Variants in RNFT2 observed in about 807,000 individuals in gnomAD.
The protein encoded by RNFT2 is ring finger protein, transmembrane 2, also known as E3 ubiquitin-protein ligase RNFT2.
Under a neutral mutation model 53.0 loss-of-function variants are expected in RNFT2, and 36 were observed. The observed-to-expected ratio is 0.68, with a 90% CI of 0.52 to 0.90. The LOEUF (loss-of-function observed/expected upper bound fraction) is 0.90. Ranked by LOEUF, RNFT2 falls within the 40% of genes least tolerant of loss-of-function variation. The pLI is 0.00. For missense variants in RNFT2, 514 were observed against 585.6 expected (o/e 0.88, Z 1.26); for synonymous variants, 260 against 253.2 (o/e 1.03, Z -0.26).
chr12:116,760,515 T>TG (rs1161874937), intron 5 of RNFT2, among the ~76,000 whole-genome samples: 59 of 152,356 alleles, frequency 3.9e-4, no homozygotes, highest in Non-Finnish European at 4.4e-5. Flanking sequence ...AGGGCCTTGC[T>TG]GCTGCTTCCT....
At chr12:116,779,379 C>T in intron 7 of RNFT2, 31 bp downstream of exon 7, 1 of 1,612,636 alleles carries the variant, frequency 6.2e-7, no homozygotes, top group Middle Eastern at 1.7e-4. Flanking sequence ...CAAGGTAGCC[C>T]CAGTCACATG....
intron 7 of RNFT2, among the ~76,000 whole-genome samples, chr12:116,824,770 C>T (rs1455357099): frequency 6.6e-6 from 1 of 152,160 alleles, no homozygotes. Flanking sequence ...GGGAACCAAT[C>T]CCATCATGAG....
At chr12:116,795,751 A>G (rs1211630583) in intron 7 of RNFT2, among the ~76,000 whole-genome samples, 1 of 152,176 alleles carries the variant, frequency 6.6e-6, no homozygotes, top group Non-Finnish European at 1.5e-5. Flanking sequence ...AGAACTCTCT[A>G]CAAGTCCCCT....
At chr12:116,830,334 C>A (rs1045890025) in intron 7 of RNFT2, among the ~76,000 whole-genome samples, 1 of 152,146 alleles carries the variant, frequency 6.6e-6, no homozygotes, top group Non-Finnish European at 1.5e-5. Flanking sequence ...GTCACCCAGG[C>A]TGGAGTGCAG....
intron 7 of RNFT2, among the ~76,000 whole-genome samples, chr12:116,813,980 C>T (rs1875511785): frequency 6.6e-6 from 1 of 152,150 alleles, no homozygotes; most frequent in Admixed American, 6.5e-5. Context: ...GCCTTTTGAT[C>T]ACTACAGCTT....
chr12:116,784,166 T>C (rs1232686137), intron 7 of RNFT2, among the ~76,000 whole-genome samples: 2 of 152,236 alleles, frequency 1.3e-5, no homozygotes, highest in Non-Finnish European at 2.9e-5. Flanking sequence ...GTCCAGTTAC[T>C]GCACGGGGCA....
intron 6 of RNFT2, among the ~76,000 whole-genome samples, chr12:116,778,042 C>A (rs892770218): frequency 9.9e-5 from 15 of 152,162 alleles, no homozygotes; most frequent in African/African-American, 3.6e-4. Context: ...ACATCAGCTT[C>A]CCCCGCTCCT....
At chr12:116,817,922 A>G (rs1427998983) in intron 7 of RNFT2, among the ~76,000 whole-genome samples, 3 of 152,212 alleles carry the variant, frequency 2.0e-5, no homozygotes, top group African/African-American at 7.2e-5. Flanking sequence ...CTCTCATTTC[A>G]TTGGGGGAAA....
At chr12:116,749,427 G>A (rs1872068132) in intron 3 of RNFT2, among the ~76,000 whole-genome samples, 2 of 151,954 alleles carry the variant, frequency 1.3e-5, no homozygotes, top group South Asian at 2.1e-4. Context: ...ACAGGCATGC[G>A]CCACCATGCC....
chr12:116,764,808 C>T (rs1446820076), intron 5 of RNFT2, among the ~76,000 whole-genome samples: 1 of 152,226 alleles, frequency 6.6e-6, no homozygotes, highest in Non-Finnish European at 1.5e-5. Flanking sequence ...AGGAGAACCA[C>T]TTGAACCCAG....
At chr12:116,814,088 T>A (rs1875517963) in intron 7 of RNFT2, among the ~76,000 whole-genome samples, 1 of 152,054 alleles carries the variant, frequency 6.6e-6, no homozygotes, top group Non-Finnish European at 1.5e-5. Context: ...CCCGTGTCAT[T>A]CTCCAGGAGT....
chr12:116,852,335 T>G lies in RNFT2; in HGVS notation c.*2887T>G. ...ATGTCCCCTTCCCCCTGCCCCGCCG[T>G]AGATTCAGGACATTTGCCCCTGTGT... On this transcript the variant is annotated 3_prime_UTR_variant, in exon 11 of 11. Transcript: ENST00000257575. 7.9e-7 allele frequency: 1 copy of G among 1,265,274 alleles called. No homozygotes were observed. The allele number at this position is 1,265,274 out of a possible 1,614,324, so 78.4% of individuals were successfully genotyped here.
intron 7 of RNFT2, among the ~76,000 whole-genome samples, chr12:116,810,441 T>C (rs546853780): frequency 5.3e-5 from 8 of 152,098 alleles, no homozygotes; most frequent in Non-Finnish European, 1.2e-4. Flanking sequence ...CTAAGCTCCA[T>C]GGGGGCAGAA....
At chr12:116,769,989 C>T (rs748335956) in intron 6 of RNFT2, among the ~76,000 whole-genome samples, 1 of 152,138 alleles carries the variant, frequency 6.6e-6, no homozygotes, top group African/African-American at 2.4e-5. Flanking sequence ...AAGCCAAAAT[C>T]GTGCCACTGC....
intron 7 of RNFT2, among the ~76,000 whole-genome samples, chr12:116,790,467 TGA>T (rs1204462647): frequency 6.6e-6 from 1 of 152,218 alleles, no homozygotes; most frequent in Non-Finnish European, 1.5e-5. Context: ...GAGAGGAAAC[TGA>T]GTTAAATAAC....
intron 7 of RNFT2, among the ~76,000 whole-genome samples, chr12:116,811,685 G>A (rs1330720669): frequency 2.0e-5 from 3 of 152,168 alleles, no homozygotes; most frequent in Non-Finnish European, 2.9e-5. Context: ...ATGCGTGCGC[G>A]TGCGTTTGTG....
chr12:116,754,163 T>A (rs1872386253), intron 5 of RNFT2, 103 bp downstream of exon 5: 6 of 910,878 alleles, frequency 6.6e-6, no homozygotes, highest in Non-Finnish European at 9.0e-6. Flanking sequence ...TGTATCATTC[T>A]TATGCCTTTG....
rs549362388 is a variant in RNFT2, at chr12:116,852,974, A to G, written c.*3526A>G. 6.2e-5 allele frequency: 33 copies of G among 535,232 alleles called. No individual in the cohort carries two copies. Among genetic ancestry groups the G allele is most frequent in the African/African-American group, 5.7e-4 (30 of 52,592 alleles). The allele number at this position is 535,232 out of a possible 1,614,324, so 33.2% of individuals were successfully genotyped here. ...TGAGCCATGCCTGTTAACACTGTAA[A>G]GAATGTAACATGTGGGGGACACACA... is the stretch of plus-strand genomic sequence containing the variant. On this transcript the variant is annotated 3_prime_UTR_variant, in exon 11 of 11. Transcript: ENST00000257575.
At chr12:116,796,975 G>A (rs546221078) in intron 7 of RNFT2, among the ~76,000 whole-genome samples, 1 of 152,316 alleles carries the variant, frequency 6.6e-6, no homozygotes, top group South Asian at 2.1e-4. Context: ...CCATTGGAGG[G>A]GGTGTGCTAC....
Sources: gnomAD v4.1 joint callset for allele counts (sites outside exome capture counted in the v4.1 genomes callset) on GRCh38, gnomAD v4.1.1 for gene constraint, MANE v1.5 for transcripts, NCBI Gene and HGNC (gene_info 2026-07-23, HGNC 2026-07-21) for gene names.